The following LVRN variants were observed in gnomAD, a reference collection of about 807,000 sequenced individuals.
LVRN encodes the protein aminopeptidase Q.
Under a neutral mutation model 111.4 loss-of-function variants are expected in LVRN, and 99 were observed. The observed-to-expected ratio is 0.89, with a 90% CI of 0.76 to 1.05. LVRN has a LOEUF of 1.05. Ranked by LOEUF, LVRN falls within the 50% of genes least tolerant of loss-of-function variation. LVRN has a pLI of 0.00. For missense variants in LVRN, 1,414 were observed against 1,206.8 expected (o/e 1.17, Z -2.54); for synonymous variants, 488 against 449.5 (o/e 1.09, Z -1.08).
intron 6 of LVRN, among the ~76,000 whole-genome samples, chr5:115,997,836 A>G (rs150187455): frequency 1.3e-3 from 205 of 152,334 alleles, no homozygotes; most frequent in African/African-American, 4.6e-3. Flanking sequence ...TAGAACTGAA[A>G]CAGGCTACAG....
intron 19 of LVRN, among the ~76,000 whole-genome samples, chr5:116,024,684 A>G (rs1352500536): frequency 6.6e-6 from 1 of 152,198 alleles, no homozygotes; most frequent in Non-Finnish European, 1.5e-5. Flanking sequence ...GAATGAATAA[A>G]TGAGGTTCGT....
intron 1 of LVRN, among the ~76,000 whole-genome samples, chr5:115,977,713 A>G (rs1243069522): frequency 6.6e-6 from 1 of 152,178 alleles, no homozygotes; most frequent in Non-Finnish European, 1.5e-5. Flanking sequence ...ACCACTGTGC[A>G]CTTGCTGGTC....
intron 6 of LVRN, 148 bp from the exon 7 acceptor site, chr5:115,999,614 A>G: frequency 1.3e-6 from 1 of 756,476 alleles, no homozygotes; most frequent in Non-Finnish European, 2.1e-6. Context: ...TCCTGACTTT[A>G]TTTGGCATAT....
intron 13 of LVRN, among the ~76,000 whole-genome samples, chr5:116,009,850 G>C (rs765958207): frequency 4.6e-5 from 7 of 152,180 alleles, no homozygotes; most frequent in Middle Eastern, 3.2e-3. Context: ...GACCATTGCT[G>C]AAATGACAAC....
intron 4 of LVRN, among the ~76,000 whole-genome samples, chr5:115,990,329 T>C (rs1453584791): frequency 1.4e-4 from 22 of 152,206 alleles, no homozygotes; most frequent in Non-Finnish European, 2.5e-4. Flanking sequence ...TTTAAAGATA[T>C]ATCATTTTAA....
At chr5:116,000,930 G>A in intron 9 of LVRN, 137 bp from the exon 10 acceptor site, 1 of 923,490 alleles carries the variant, frequency 1.1e-6, no homozygotes, top group Non-Finnish European at 1.6e-6. Context: ...TTCTAAATTT[G>A]CCCCAGAGGA....
At chr5:116,013,329 A>G (rs954125716) in intron 15 of LVRN, among the ~76,000 whole-genome samples, 5 of 152,206 alleles carry the variant, frequency 3.3e-5, no homozygotes, top group Admixed American at 6.5e-5. Flanking sequence ...GCTGGGATCA[A>G]GAATGGTTAG....
intron 4 of LVRN, among the ~76,000 whole-genome samples, chr5:115,991,683 A>G (rs1747991128): frequency 6.6e-6 from 1 of 152,166 alleles, no homozygotes; most frequent in Non-Finnish European, 1.5e-5. Context: ...TGTTGCCAGT[A>G]TTTTGGATTT....
intron 3 of LVRN, among the ~76,000 whole-genome samples, chr5:115,987,381 G>T (rs1747891119): frequency 6.6e-6 from 1 of 152,176 alleles, no homozygotes; most frequent in Admixed American, 6.5e-5. Context: ...AAATGTGCAT[G>T]ATTTAAATAT....
intron 3 of LVRN, among the ~76,000 whole-genome samples, chr5:115,985,461 C>T (rs1455152725): frequency 6.6e-6 from 1 of 152,162 alleles, no homozygotes; most frequent in South Asian, 2.1e-4. Context: ...GGCCACATCA[C>T]AGCCTATGAT....
intron 19 of LVRN, 79 bp from the exon 20 acceptor site, chr5:116,025,899 G>A: frequency 6.4e-7 from 1 of 1,556,576 alleles, no homozygotes; most frequent in Admixed American, 1.8e-5. Context: ...AACTCATGTT[G>A]CTACTTAGCA....
chr5:116,025,499 C>T (rs983820526), intron 19 of LVRN, among the ~76,000 whole-genome samples: 2 of 152,138 alleles, frequency 1.3e-5, no homozygotes, highest in African/African-American at 4.8e-5. Flanking sequence ...TGGCCTGACC[C>T]AATGAGGTAA....
intron 13 of LVRN, among the ~76,000 whole-genome samples, chr5:116,007,313 C>T (rs1748395639): frequency 6.6e-6 from 1 of 152,174 alleles, no homozygotes; most frequent in Non-Finnish European, 1.5e-5. Context: ...AGCCAACTTA[C>T]CTATTAGGCC....
At position 116,015,250 on chromosome 5, in the gene LVRN, A is replaced by T; in HGVS notation, c.2451-2A>T. On this transcript the variant is annotated splice_acceptor_variant, in intron 16 of 19. Transcript: ENST00000357872. LOFTEE classifies it high-confidence loss of function. ...AATATCATTTTATGTTATATTTTAC[A>T]GAATACCTTATCCAATTAAAGATGT... 6.4e-7 allele frequency: 1 copy of T among 1,572,042 alleles called. No homozygotes were observed. The highest frequency in any genetic ancestry group is 1.2e-5 in the South Asian group (1 of 82,610).
chr5:116,010,715 A>T, intron 13 of LVRN, 26 bp from the exon 14 acceptor site: 1 of 1,570,738 alleles, frequency 6.4e-7, no homozygotes, highest in East Asian at 2.3e-5. Context: ...AGGTTTTTTG[A>T]GTGTGTGTGT....
At chr5:115,970,631 C>T (rs1345603389) in intron 1 of LVRN, among the ~76,000 whole-genome samples, 1 of 152,104 alleles carries the variant, frequency 6.6e-6, no homozygotes, top group African/African-American at 2.4e-5. Flanking sequence ...GTGATCCACT[C>T]ACCTTGGCCT....
Position 116,014,452 on chromosome 5 carries a change from G to A in LVRN, c.2375G>A (p.Cys792Tyr). 6.2e-7 allele frequency: 1 copy of A among 1,613,118 alleles called. No homozygotes were observed. The highest frequency in any genetic ancestry group is 8.5e-7 in the Non-Finnish European group (1 of 1,179,480). ...ISLEKLFVTA[C>Y]WLGLEDCLQL... The stretch of plus-strand genomic sequence containing the variant: ...CTGGAAAAACTTTTTGTAACTGCGT[G>A]TTGGTTGGGCCTTGAAGACTGCCTT... Residue 792 changes from cysteine to tyrosine, a missense_variant, in exon 16 of 20, where the codon TGT (cysteine) becomes TAT (tyrosine). By Grantham distance (194) the Cys-to-Tyr change is radical. Coordinates refer to ENST00000357872, the MANE Select transcript of LVRN (RefSeq NM_173800.5).
intron 18 of LVRN, among the ~76,000 whole-genome samples, chr5:116,017,939 G>A (rs1452651531): frequency 6.6e-6 from 1 of 152,020 alleles, no homozygotes; most frequent in African/African-American, 2.4e-5. Context: ...TGTTTAGAAT[G>A]AAACACACAT....
chr5:116,010,729 T>TAAATC lies in LVRN; in HGVS notation c.2094-8_2094-4dup, dbSNP rs1370870674. ...AAGGTTTTTTGAGTGTGTGTGTTTT[T>TAAATC]AAATCAAACAGAAACAATTATATTG... On this transcript the variant is annotated splice_polypyrimidine_tract_variant and intron_variant, in intron 13 of 19. Coordinates refer to ENST00000357872, the MANE Select transcript of LVRN (RefSeq NM_173800.5). 6.3e-7 allele frequency: 1 copy of TAAATC among 1,579,542 alleles called. No individual in the cohort carries two copies. Among genetic ancestry groups the TAAATC allele is most frequent in the Non-Finnish European group, 8.6e-7 (1 of 1,163,464 alleles).
Sources: gnomAD v4.1 joint callset for allele counts (sites outside exome capture counted in the v4.1 genomes callset) on GRCh38, gnomAD v4.1.1 for gene constraint, MANE v1.5 for transcripts, NCBI Gene and HGNC (gene_info 2026-07-23, HGNC 2026-07-21) for gene names.